The following ABCC6 variants were observed in gnomAD, a reference collection of about 807,000 sequenced individuals.
ABCC6 encodes ATP binding cassette subfamily C member 6.
ABCC6 carries 126 observed loss-of-function variants against 169.5 expected under a neutral mutation model. The ratio of observed to expected loss-of-function variants is 0.74; its 90% CI spans 0.64 to 0.86. The LOEUF is 0.86. ABCC6 is among the 40% of genes least tolerant of loss of function. The probability of loss-of-function intolerance (pLI) is 0.00; values close to 1 mark genes in which losing one functional copy is unlikely to be tolerated. For synonymous variants in ABCC6, 752 were observed against 814.7 expected, an observed-to-expected ratio of 0.92 and a Z score of 1.31; for missense variants, 1,733 against 1,927.2, an observed-to-expected ratio of 0.90 and a Z score of 1.89.
chr16:16,184,198 C>CAAAAA lies in ABCC6; in HGVS notation c.1943+756_1943+760dup, dbSNP rs56071235. 12 of 71,944 alleles carry CAAAAA rather than the reference C, an allele frequency of 1.7e-4. 1 individual carries two copies. The highest frequency in any genetic ancestry group is 4.3e-4 in the African/African-American group (7 of 16,130). 4.5% of individuals were successfully genotyped at this position (71,944 alleles called of 1,614,324 possible). The stretch of plus-strand genomic sequence containing the variant: ...CGCGTGATAGAGCAAGACTCCGTTT[C>CAAAAA]AAAAAAAAAAAAAAAAAAAAAAAAA... On this transcript the variant is annotated intron_variant, in intron 15 of 30. Transcript: ENST00000205557.
chr16:16,212,686 G>T (rs1224912748), intron 5 of ABCC6, among the ~76,000 whole-genome samples: 1 of 151,840 alleles, frequency 6.6e-6, no homozygotes, highest in African/African-American at 2.4e-5. Context: ...CAGTGAGCTT[G>T]GTGCTTCCCA....
intron 27 of ABCC6, among the ~76,000 whole-genome samples, chr16:16,157,147 G>T (rs144276535): frequency 6.6e-6 from 1 of 151,962 alleles, no homozygotes; most frequent in African/African-American, 2.4e-5. Context: ...TGTTGTGAGA[G>T]TGAAAACGCA....
Position 16,202,153 on chromosome 16 carries a change from G to A in ABCC6, c.1024C>T (p.Pro342Ser). ...LSLFLEFIGD[P>S]KPPAWKGYLL... The stretch of plus-strand genomic sequence containing the variant: ...TAGCCCTTCCAGGCTGGAGGCTTGG[G>A]ATCACCAATAAACTCCAGGAAAAGG... The change falls in exon 9 of 31, where the codon CCC (proline) becomes TCC (serine). Residue 342 changes from proline to serine, a missense_variant. Pro to Ser is a moderately conservative substitution (Grantham distance 74, BLOSUM62 -1). This residue lies in a region of ABCC6 where 1,601 missense variants were observed against 1,635.5 expected (regional missense o/e 0.98). Transcript: ENST00000205557. 4 of 1,613,676 alleles carry A rather than the reference G, an allele frequency of 2.5e-6. No individual in the cohort carries two copies. The highest frequency in any genetic ancestry group is 2.7e-5 in the African/African-American group (2 of 74,950).
intron 21 of ABCC6, among the ~76,000 whole-genome samples, chr16:16,172,850 C>A (rs1341417178): frequency 6.6e-6 from 1 of 151,940 alleles, no homozygotes; most frequent in Non-Finnish European, 1.5e-5. Context: ...CCAGACCAAC[C>A]TGGGCAACAT....
intron 29 of ABCC6, among the ~76,000 whole-genome samples, chr16:16,152,773 T>C (rs1355514444): frequency 6.6e-6 from 1 of 151,900 alleles, no homozygotes; most frequent in East Asian, 1.9e-4. Flanking sequence ...AGGCAGTCTG[T>C]CACCTGTGTA....
chr16:16,187,233 G>A, intron 13 of ABCC6, 22 bp from the exon 14 acceptor site: 3 of 1,604,660 alleles, frequency 1.9e-6, no homozygotes, highest in Non-Finnish European at 2.6e-6. Context: ...GAAGCCGCAG[G>A]TCACCCAGCA....
At chr16:16,192,097 A>C (rs1289565400) in intron 11 of ABCC6, among the ~76,000 whole-genome samples, 1 of 152,016 alleles carries the variant, frequency 6.6e-6, no homozygotes, top group Admixed American at 6.6e-5. Context: ...TCCTTGCTGG[A>C]GGGTGGTGAG....
At chr16:16,171,030 T>C (rs1050623530) in intron 21 of ABCC6, among the ~76,000 whole-genome samples, 37 of 151,790 alleles carry the variant, frequency 2.4e-4, no homozygotes, top group Admixed American at 4.6e-4. Context: ...GGGACCCCTT[T>C]CTCTGGCACC....
At chr16:16,166,041 TTGGCCACCCTGATTATTA>T in intron 22 of ABCC6, 108 bp from the exon 23 acceptor site, 1 of 1,100,598 alleles carries the variant, frequency 9.1e-7, no homozygotes, top group South Asian at 1.4e-5. Context: ...ATCTTATGGC[TTGGCCACCCTGATTATTA>T]TATTTTTTTG....
At chr16:16,150,532 A>G (rs1289128519) in intron 30 of ABCC6, 46 bp downstream of exon 30, 2 of 1,590,740 alleles carry the variant, frequency 1.3e-6, no homozygotes, top group Middle Eastern at 2.1e-4. Context: ...TCCTTCCCCC[A>G]CCACTGCAGG....
chr16:16,191,700 T>C (rs2047861733), intron 11 of ABCC6, among the ~76,000 whole-genome samples: 1 of 143,912 alleles, frequency 6.9e-6, no homozygotes, highest in South Asian at 2.3e-4. Context: ...TTCCTTCTCT[T>C]CCGCCCTCAA....
At chr16:16,191,380 T>C (rs576152186) in intron 11 of ABCC6, among the ~76,000 whole-genome samples, 1 of 152,126 alleles carries the variant, frequency 6.6e-6, no homozygotes, top group East Asian at 1.9e-4. Flanking sequence ...CCTCCCAAAG[T>C]GCTGGGATTA....
At chr16:16,197,770 G>A (rs12929610) in intron 10 of ABCC6, among the ~76,000 whole-genome samples, 86,520 of 149,418 alleles carry the variant, frequency 0.58, 26,317 homozygotes, top group East Asian at 0.76. Context: ...GAAGCCTTAT[G>A]AGCTTCTACA....
rs2046339649 is a variant in ABCC6, at chr16:16,149,864, C to T, written c.*269G>A. ...GAGGCCCCCAGGTGAGTCCAGAGTA[C>T]AGCGGGGCTGAGAGTCGCTGTTGAC... On this transcript the variant is annotated 3_prime_UTR_variant, in exon 31 of 31. Coordinates refer to ENST00000205557, the MANE Select transcript of ABCC6 (RefSeq NM_001171.6). 4 of 563,020 alleles carry T rather than the reference C, an allele frequency of 7.1e-6. No homozygotes were observed. Among genetic ancestry groups the T allele is most frequent in the Non-Finnish European group, 1.3e-5 (4 of 309,920 alleles). 34.9% of individuals were successfully genotyped at this position (563,020 alleles called of 1,614,324 possible). A position where few individuals can be genotyped will look rare whatever the true frequency, so the allele number is the denominator to read the frequency against.
intron 6 of ABCC6, among the ~76,000 whole-genome samples, 178 bp from the exon 7 acceptor site, chr16:16,209,037 G>A (rs1011330263): frequency 3.3e-5 from 5 of 151,854 alleles, no homozygotes; most frequent in Admixed American, 1.3e-4. Context: ...GGCATTTCTC[G>A]TTTCACAAAG....
At chr16:16,182,154 T>G (rs1231323600) in intron 17 of ABCC6, among the ~76,000 whole-genome samples, 1 of 152,176 alleles carries the variant, frequency 6.6e-6, no homozygotes, top group African/African-American at 2.4e-5. Context: ...CTTCTCACTC[T>G]CAGTTGTCAG....
chr16:16,176,588 A>C (rs565029906), intron 19 of ABCC6, among the ~76,000 whole-genome samples: 4 of 152,368 alleles, frequency 2.6e-5, no homozygotes, highest in South Asian at 4.1e-4. Flanking sequence ...TCAACACTTA[A>C]GGTTTTAACC....
chr16:16,203,049 C>T (rs908801984), intron 8 of ABCC6, among the ~76,000 whole-genome samples: 1 of 152,208 alleles, frequency 6.6e-6, no homozygotes, highest in African/African-American at 2.4e-5. Context: ...ACTGCAGGCA[C>T]ATGAGAAAAC....
chr16:16,182,157 G>A (rs920780799), intron 17 of ABCC6, among the ~76,000 whole-genome samples: 4 of 152,158 alleles, frequency 2.6e-5, no homozygotes, highest in African/African-American at 9.7e-5. Context: ...CTCACTCTCA[G>A]TTGTCAGAGA....
Sources: gnomAD v4.1 joint callset for allele counts (sites outside exome capture counted in the v4.1 genomes callset) on GRCh38, gnomAD v4.1.1 for gene constraint, gnomAD v4.1.1 regional missense constraint, MANE v1.5 for transcripts, NCBI Gene and HGNC (gene_info 2026-07-23, HGNC 2026-07-21) for gene names.